PRRC2C: variants seen among roughly 807,000 people sequenced by gnomAD.
PRRC2C encodes protein PRRC2C.
Under a neutral mutation model 317.2 loss-of-function variants are expected in PRRC2C, and 72 were observed. The ratio of observed to expected loss-of-function variants is 0.23; its 90% confidence interval spans 0.19 to 0.28. The LOEUF is 0.28. PRRC2C is among the 10% of genes least tolerant of loss of function. The pLI is 1.00. For missense variants in PRRC2C, 3,074 were observed against 3,459.7 expected, an observed-to-expected ratio of 0.89 and a Z score of 2.80; for synonymous variants, 1,296 against 1,205.9, an observed-to-expected ratio of 1.07 and a Z score of -1.55.
At chr1:171,566,453 T>C in intron 21 of PRRC2C, 32 bp downstream of exon 21, 1 of 1,523,932 alleles carries the variant, frequency 6.6e-7, no homozygotes, top group Non-Finnish European at 8.8e-7. Flanking sequence ...GATAAAATTT[T>C]ATGAAGGCCA....
intron 20 of PRRC2C, among the ~76,000 whole-genome samples, chr1:171,561,360 G>T (rs1254671868): frequency 6.6e-6 from 1 of 152,176 alleles, no homozygotes; most frequent in Non-Finnish European, 1.5e-5. Flanking sequence ...GCTGAGGTTG[G>T]ACTGTCACTT....
chr1:171,560,198 AT>A (rs2102667550), intron 19 of PRRC2C, among the ~76,000 whole-genome samples: 1 of 152,352 alleles, frequency 6.6e-6, no homozygotes, highest in Admixed American at 6.5e-5. Flanking sequence ...GAATATCAAC[AT>A]TAACAGGGGT....
At position 171,539,998 on chromosome 1, in the gene PRRC2C, G is replaced by T. The variant is rs1004748194; in HGVS notation, c.2532G>T (p.Gln844His). 4 of 1,612,894 alleles carry T rather than the reference G, an allele frequency of 2.5e-6. No homozygotes were observed. The African/African-American group carries it at 5.3e-5, about 22-fold the overall frequency. ...VRSEAALDQE[Q>H]ITAAYSVEHN... ...CTGAAGCTGCGTTGGACCAGGAACA[G>T]ATTACTGCTGCTTATTCTGTAGAAC... Residue 844 changes from glutamine to histidine, a missense_variant, in exon 16 of 35, where the codon CAG becomes CAT. This residue lies in a region of PRRC2C where 1,320 missense variants were observed against 1,395.7 expected (regional missense o/e 0.95). Transcript: ENST00000647382.
intron 34 of PRRC2C, 168 bp from the exon 35 acceptor site, chr1:171,591,419 A>G (rs1422242976): frequency 2.5e-5 from 17 of 677,106 alleles, no homozygotes; most frequent in Admixed American, 7.7e-5. Context: ...AAAAATAGGA[A>G]GAAATCTATT....
At chr1:171,509,978 A>C (rs1166774401) in intron 1 of PRRC2C, 1 of 149,398 alleles carries the variant, frequency 6.7e-6, no homozygotes, top group Non-Finnish European at 1.5e-5. Flanking sequence ...CAGCCTCCCG[A>C]GTAGCTGGGA....
chr1:171,537,742 G>T (rs189272717), intron 15 of PRRC2C, among the ~76,000 whole-genome samples: 1 of 152,132 alleles, frequency 6.6e-6, no homozygotes, highest in Non-Finnish European at 1.5e-5. Flanking sequence ...AACTTGCTCT[G>T]TTATTCAGGC....
At chr1:171,587,285 A>G in intron 31 of PRRC2C, 64 bp downstream of exon 31, 1 of 1,386,424 alleles carries the variant, frequency 7.2e-7, no homozygotes. Flanking sequence ...AGATATATGC[A>G]TCTGTGTTAT....
chr1:171,517,561 T>C, intron 5 of PRRC2C, 30 bp from the exon 6 acceptor site: 1 of 1,580,570 alleles, frequency 6.3e-7, no homozygotes, highest in Non-Finnish European at 8.6e-7. Flanking sequence ...GATTTTTATC[T>C]TTTTCCTTTT....
At chr1:171,489,370 CAG>C (rs1265911586) in intron 1 of PRRC2C, among the ~76,000 whole-genome samples, 2 of 152,150 alleles carry the variant, frequency 1.3e-5, no homozygotes, top group Non-Finnish European at 2.9e-5. Context: ...CCCAGTGAAT[CAG>C]AGCAATATGG....
chr1:171,513,234 G>T, intron 3 of PRRC2C, 62 bp downstream of exon 3: 1 of 1,467,530 alleles, frequency 6.8e-7, no homozygotes, highest in South Asian at 1.3e-5. Flanking sequence ...ACTTATGTTT[G>T]AGTACCTGCT....
chr1:171,552,325 T>G (rs1356439095), intron 18 of PRRC2C, among the ~76,000 whole-genome samples: 2 of 152,250 alleles, frequency 1.3e-5, no homozygotes, highest in African/African-American at 4.8e-5. Context: ...ATTCTGAGAC[T>G]TTGCTGAAGT....
At chr1:171,535,859 T>C (rs1341934162) in intron 13 of PRRC2C, among the ~76,000 whole-genome samples, 170 bp from the exon 14 acceptor site, 3 of 152,216 alleles carry the variant, frequency 2.0e-5, no homozygotes, top group Admixed American at 2.0e-4. Context: ...TAAAATGTTA[T>C]AGTTCATCTT....
chr1:171,581,193 T>G (rs941251439), intron 28 of PRRC2C, among the ~76,000 whole-genome samples: 1 of 152,198 alleles, frequency 6.6e-6, no homozygotes, highest in Non-Finnish European at 1.5e-5. Context: ...AAGCCCCAAC[T>G]AGAAGCTAAA....
At chr1:171,574,168 T>G (rs949187783) in intron 24 of PRRC2C, among the ~76,000 whole-genome samples, 2 of 152,108 alleles carry the variant, frequency 1.3e-5, no homozygotes, top group Non-Finnish European at 2.9e-5. Flanking sequence ...AAAAAACTTA[T>G]AAAATATCAA....
chr1:171,584,147 G>C lies in PRRC2C; in HGVS notation c.7601G>C (p.Gly2534Ala), dbSNP rs1649323092. 6.2e-7 allele frequency: 1 copy of C among 1,613,944 alleles called. No individual in the cohort carries two copies. The change falls in exon 29 of 35, where the codon GGA (glycine) becomes GCA (alanine). Residue 2534 changes from glycine to alanine, a missense_variant. Gly to Ala is a moderately conservative substitution (Grantham distance 60). Transcript: ENST00000647382. ...GAACATCAACTGGGGCAGGCATCAG[G>C]ACTAGGAGGTTCCCAGCTGATTGAC... Reference protein sequence around the residue: ...LYEHQLGQASGLGGSQLIDTH... With the variant: ...LYEHQLGQASALGGSQLIDTH...
intron 1 of PRRC2C, among the ~76,000 whole-genome samples, chr1:171,503,774 T>G (rs891738004): frequency 2.0e-5 from 3 of 151,978 alleles, no homozygotes; most frequent in Non-Finnish European, 2.9e-5. Context: ...AGTAAAGAGG[T>G]TTAATTGACT....
At chr1:171,580,455 C>T (rs564409379) in intron 28 of PRRC2C, among the ~76,000 whole-genome samples, 22 of 152,244 alleles carry the variant, frequency 1.4e-4, no homozygotes, top group African/African-American at 5.1e-4. Flanking sequence ...CAAAAATTCA[C>T]TCAGATGCAC....
At chr1:171,586,046 C>G in intron 30 of PRRC2C, among the ~76,000 whole-genome samples, 1 of 143,394 alleles carries the variant, frequency 7.0e-6, no homozygotes, top group African/African-American at 2.6e-5. Context: ...TGATCCGTCG[C>G]AGGAGGTCAG....
chr1:171,559,178 A>G (rs1359459635), intron 19 of PRRC2C, among the ~76,000 whole-genome samples: 1 of 152,252 alleles, frequency 6.6e-6, no homozygotes, highest in East Asian at 1.9e-4. Flanking sequence ...CAAGTTATCC[A>G]GAAGATCCAA....
Sources: allele counts gnomAD v4.1 joint callset (sites outside exome capture counted in the v4.1 genomes callset), GRCh38; gene constraint gnomAD v4.1.1; regional missense constraint gnomAD v4.1.1; transcripts MANE v1.5; gene names NCBI Gene and HGNC (gene_info 2026-07-23, HGNC 2026-07-21).